The following CYP2J2 variants were observed in gnomAD, a reference collection of about 807,000 sequenced individuals.
CYP2J2 encodes the protein cytochrome P450 2J2.
A neutral mutation model predicts 48.8 loss-of-function variants in CYP2J2; 41 were observed. The ratio of observed to expected loss-of-function variants is 0.84; its 90% CI spans 0.66 to 1.09. The LOEUF is 1.09. CYP2J2 is among the 50% of genes least tolerant of loss of function. The pLI, the probability that CYP2J2 is intolerant of heterozygous loss-of-function variation, is 0.00. For missense variants in CYP2J2, 644 were observed against 617.3 expected (o/e 1.04, Z -0.46); for synonymous variants, 221 against 227.1 (o/e 0.97, Z 0.24).
intron 8 of CYP2J2, among the ~76,000 whole-genome samples, chr1:59,894,576 T>C (rs868046653): frequency 1.3e-5 from 2 of 152,164 alleles, no homozygotes; most frequent in African/African-American, 4.8e-5. Flanking sequence ...AACCACGTGA[T>C]TGGGGCAAAT....
intron 4 of CYP2J2, 140 bp from the exon 5 acceptor site, chr1:59,910,100 C>G: frequency 1.6e-6 from 1 of 626,004 alleles, no homozygotes; most frequent in Non-Finnish European, 2.7e-6. Flanking sequence ...CCTCTTTTCT[C>G]TCTCACCTCT....
At chr1:59,938,127 T>C in the CYP2J2 span, among the ~76,000 whole-genome samples, 1 of 152,188 alleles carries the variant, frequency 6.6e-6, no homozygotes, top group Admixed American at 6.5e-5. Flanking sequence ...GTCTTCATAT[T>C]TGTGGATGGT....
chr1:59,940,271 A>G, the CYP2J2 span, among the ~76,000 whole-genome samples: 1 of 151,934 alleles, frequency 6.6e-6, no homozygotes, highest in Admixed American at 6.6e-5. Flanking sequence ...GGGCCCAAGG[A>G]CTCTTCAGTT....
the CYP2J2 span, among the ~76,000 whole-genome samples, chr1:59,933,306 G>C: frequency 6.6e-6 from 1 of 152,172 alleles, no homozygotes; most frequent in Non-Finnish European, 1.5e-5. Flanking sequence ...GGCTAAAAAT[G>C]AGTGCAAGAC....
At chr1:59,926,943 C>G (rs937959619), upstream of CYP2J2, among the ~76,000 whole-genome samples, 1 of 152,218 alleles carries the variant, frequency 6.6e-6, no homozygotes, top group African/African-American at 2.4e-5. Context: ...GGAGCAGTTT[C>G]TTTTCTATTT....
intron 7 of CYP2J2, 56 bp from the exon 8 acceptor site, chr1:59,901,159 T>G (rs1458896537): frequency 1.3e-6 from 2 of 1,576,162 alleles, no homozygotes; most frequent in Non-Finnish European, 1.7e-6. Context: ...AGCACACCTA[T>G]GCAGAGGGGT....
chr1:59,903,303 G>A (rs115628100), intron 7 of CYP2J2, among the ~76,000 whole-genome samples: 1,817 of 152,262 alleles, frequency 0.012, 38 homozygotes, highest in African/African-American at 0.042. Flanking sequence ...TGGTTAGAAA[G>A]CAAGGAAAGG....
chr1:59,899,808 T>C (rs562831943), intron 8 of CYP2J2, among the ~76,000 whole-genome samples: 19 of 152,350 alleles, frequency 1.2e-4, no homozygotes, highest in African/African-American at 4.6e-4. Context: ...CAGTTTTGTT[T>C]TGTTTTGGTT....
intron 8 of CYP2J2, among the ~76,000 whole-genome samples, chr1:59,898,447 C>G (rs1644288362): frequency 6.6e-6 from 1 of 152,206 alleles, no homozygotes; most frequent in South Asian, 2.1e-4. Context: ...TGGCCAAGAT[C>G]AGAGATATCC....
chr1:59,943,352 T>G, the CYP2J2 span, among the ~76,000 whole-genome samples: 2 of 152,204 alleles, frequency 1.3e-5, no homozygotes, highest in Non-Finnish European at 2.9e-5. Flanking sequence ...AAACCTTTCA[T>G]AACTGCTAGC....
intron 2 of CYP2J2, chr1:59,913,297 C>T (rs1048000821): frequency 1.3e-5 from 2 of 152,048 alleles, no homozygotes; most frequent in African/African-American, 4.8e-5. Flanking sequence ...TTCTTTTTCT[C>T]ACCCTATACT....
chr1:59,946,669 A>G, the CYP2J2 span, among the ~76,000 whole-genome samples: 2 of 152,210 alleles, frequency 1.3e-5, no homozygotes, highest in Admixed American at 1.3e-4. Context: ...AAGTACAGAA[A>G]ATAAAGCAAT....
the CYP2J2 span, among the ~76,000 whole-genome samples, chr1:59,968,852 C>T: frequency 9.2e-5 from 14 of 152,304 alleles, no homozygotes; most frequent in African/African-American, 3.4e-4. Flanking sequence ...AGAATGAAGC[C>T]GCGGACCCTC....
intron 1 of CYP2J2, among the ~76,000 whole-genome samples, chr1:59,920,075 G>A (rs1644500678): frequency 6.6e-6 from 1 of 151,998 alleles, no homozygotes; most frequent in Non-Finnish European, 1.5e-5. Context: ...GCTATCGCAA[G>A]AAGAGATGAT....
chr1:59,930,094 A>G (rs1299280232), upstream of CYP2J2, among the ~76,000 whole-genome samples: 2 of 152,180 alleles, frequency 1.3e-5, no homozygotes, highest in African/African-American at 2.4e-5. Flanking sequence ...AACGGAGACC[A>G]AAAGGCAGTA....
the CYP2J2 span, among the ~76,000 whole-genome samples, chr1:59,968,336 C>A: frequency 6.6e-6 from 1 of 152,108 alleles, no homozygotes; most frequent in South Asian, 2.1e-4. Context: ...TAGTCGCTCT[C>A]CTCAAACCCT....
chr1:59,896,093 T>C (rs1203345855), intron 8 of CYP2J2, among the ~76,000 whole-genome samples: 1 of 152,148 alleles, frequency 6.6e-6, no homozygotes, highest in Admixed American at 6.6e-5. Flanking sequence ...TACTTTCCCT[T>C]CCCCAGCCCT....
At chr1:59,908,017 AT>A in intron 5 of CYP2J2, 90 bp from the exon 6 acceptor site, 1 of 1,326,522 alleles carries the variant, frequency 7.5e-7, no homozygotes, top group Non-Finnish European at 1.1e-6. Context: ...CTAGGAGGAC[AT>A]TTGGAAGAAA....
intron 1 of CYP2J2, among the ~76,000 whole-genome samples, chr1:59,916,707 T>C (rs1171453357): frequency 6.6e-6 from 1 of 152,174 alleles, no homozygotes; most frequent in Non-Finnish European, 1.5e-5. Context: ...CACTCCAACT[T>C]GGGTGACAGA....
Sources: allele counts gnomAD v4.1 joint callset (sites outside exome capture counted in the v4.1 genomes callset), GRCh38; gene constraint gnomAD v4.1.1; transcripts MANE v1.5; gene names NCBI Gene and HGNC (gene_info 2026-07-23, HGNC 2026-07-21).